The following MAPK8IP3 variants were observed in gnomAD, a reference collection of about 807,000 sequenced individuals.
MAPK8IP3 encodes mitogen-activated protein kinase 8 interacting protein 3, also known as C-Jun-amino-terminal kinase-interacting protein 3.
Under a neutral mutation model 157.8 loss-of-function variants are expected in MAPK8IP3, and 49 were observed. The observed-to-expected ratio is 0.31, with a 90% CI of 0.25 to 0.39. The LOEUF (loss-of-function observed/expected upper bound fraction) is 0.39, where lower values mean the gene tolerates loss of function less well. Ranked by LOEUF, MAPK8IP3 falls within the 10% of genes least tolerant of loss-of-function variation. The probability of loss-of-function intolerance (pLI) is 1.00; values close to 1 mark genes in which losing one functional copy is unlikely to be tolerated. For synonymous variants in MAPK8IP3, 897 were observed against 777.7 expected, an observed-to-expected ratio of 1.15 and a Z score of -2.55; for missense variants, 1,478 against 1,889.4, an observed-to-expected ratio of 0.78 and a Z score of 4.04.
intron 13 of MAPK8IP3, 107 bp downstream of exon 13, chr16:1,761,412 T>A: frequency 1.0e-6 from 1 of 989,018 alleles, no homozygotes; most frequent in East Asian, 2.5e-5. Flanking sequence ...CCATTCACCA[T>A]TCACAGGCAG....
intron 8 of MAPK8IP3, among the ~76,000 whole-genome samples, chr16:1,757,190 C>T (rs1184013650): frequency 6.6e-6 from 1 of 152,102 alleles, no homozygotes; most frequent in Non-Finnish European, 1.5e-5. Flanking sequence ...ACTGCAAGCT[C>T]TGCCTCCCGG....
chr16:1,712,223 G>A (rs2037836692), intron 1 of MAPK8IP3, among the ~76,000 whole-genome samples: 3 of 151,470 alleles, frequency 2.0e-5, no homozygotes, highest in African/African-American at 7.3e-5. Context: ...CAACACGCCC[G>A]GCTAATTTTT....
At chr16:1,737,433 T>C (rs866590606) in intron 4 of MAPK8IP3, among the ~76,000 whole-genome samples, 185 of 63,162 alleles carry the variant, frequency 2.9e-3, no homozygotes, top group Middle Eastern at 0.015. Flanking sequence ...TCCGTGTGAG[T>C]GTGTGAGCGT....
At chr16:1,715,050 G>A (rs938995226) in intron 1 of MAPK8IP3, among the ~76,000 whole-genome samples, 2 of 151,962 alleles carry the variant, frequency 1.3e-5, no homozygotes, top group African/African-American at 4.8e-5. Context: ...AAATGTATAT[G>A]TACTAGTAAG....
rs1296932310 is a variant in MAPK8IP3, at chr16:1,748,356, C to G, written c.1097+10C>G. On this transcript the variant is annotated intron_variant, in intron 7 of 31. Coordinates refer to ENST00000610761, the MANE Select transcript of MAPK8IP3 (RefSeq NM_001318852.2). ...ACCGCACAGGAAGCAGGTACTGGCT[C>G]AGCCCAGGCCCTGGGGTCCTGGGGG... The G allele has an allele frequency of 3.1e-6, 5 of 1,609,520 alleles. No homozygotes were observed. The highest frequency in any genetic ancestry group is 4.2e-6 in the Non-Finnish European group (5 of 1,176,654).
intron 1 of MAPK8IP3, among the ~76,000 whole-genome samples, chr16:1,717,265 A>C (rs2142299955): frequency 6.6e-6 from 1 of 151,966 alleles, no homozygotes; most frequent in South Asian, 2.1e-4. Context: ...GAAAGAAAGA[A>C]ATTCACCAAA....
intron 1 of MAPK8IP3, chr16:1,707,536 C>G (rs1373218674): frequency 1.3e-5 from 2 of 152,278 alleles, no homozygotes; most frequent in African/African-American, 4.8e-5. Flanking sequence ...TTACAAGAGC[C>G]GGGCCCTGTG....
intron 4 of MAPK8IP3, among the ~76,000 whole-genome samples, chr16:1,731,234 C>T (rs1201942237): frequency 1.3e-5 from 2 of 152,154 alleles, no homozygotes; most frequent in East Asian, 3.9e-4. Flanking sequence ...GAGGCTGAGG[C>T]AGGAGAATCA....
chr16:1,739,056 G>GTCCA, intron 4 of MAPK8IP3, among the ~76,000 whole-genome samples: 1 of 128,886 alleles, frequency 7.8e-6, no homozygotes, highest in Non-Finnish European at 1.6e-5. Context: ...CCGTGTGAGC[G>GTCCA]TGTGAGCGTC....
intron 19 of MAPK8IP3, 129 bp downstream of exon 19, chr16:1,764,588 T>G: frequency 7.8e-7 from 1 of 1,275,828 alleles, no homozygotes; most frequent in Non-Finnish European, 1.1e-6. Context: ...GCGCAGGGGC[T>G]CCTAGACTGC....
rs568642545 is a variant in MAPK8IP3 at position 1,765,165 on chromosome 16, C to T, written c.2433C>T (p.Ile811=). 1.3e-6 allele frequency: 2 copies of T among 1,595,382 alleles called. No individual in the cohort carries two copies. Among genetic ancestry groups the T allele is most frequent in the African/African-American group, 2.7e-5 (2 of 74,752 alleles). Residue 811 remains isoleucine, a synonymous_variant, in exon 20 of 32, where the codon ATC becomes ATT. Coordinates refer to ENST00000610761, the MANE Select transcript of MAPK8IP3 (RefSeq NM_001318852.2). ...TCTGCAACGCGCACGTGCTGTGCAT[C>T]TCCAGCATCCCCGGTGAGCAGCTGG... ...FTVCNAHVLC[I]SSIPAASDSD... is the part of the protein sequence containing the mutation.
At chr16:1,754,889 G>A (rs1000238193) in intron 8 of MAPK8IP3, among the ~76,000 whole-genome samples, 5 of 152,176 alleles carry the variant, frequency 3.3e-5, no homozygotes, top group African/African-American at 9.7e-5. Context: ...CCACGTGCCC[G>A]GACCTGAAGA....
chr16:1,758,073 A>G (rs2084187743), intron 8 of MAPK8IP3, 75 bp from the exon 9 acceptor site: 2 of 1,445,034 alleles, frequency 1.4e-6, no homozygotes, highest in Non-Finnish European at 1.9e-6. Context: ...ATAAGAATGT[A>G]TTGTTAGTTC....
Position 1,762,531 on chromosome 16 carries a change from C to A in MAPK8IP3, c.1670+50C>A, listed in dbSNP as rs1222090776. Reference sequence around the variant, plus strand: ...GGGGCTGCGGGATCATCCCTGACGGCAGGACTGCGGCTCCCTCCTCTGCAC... The same window carrying A: ...GGGGCTGCGGGATCATCCCTGACGGAAGGACTGCGGCTCCCTCCTCTGCAC... On this transcript the variant is annotated intron_variant, in intron 14 of 31. Transcript: ENST00000610761. The A allele has an allele frequency of 5.6e-6, 9 of 1,604,496 alleles. No homozygotes were observed. The Admixed American group carries it at 1.5e-4, about 27-fold the overall frequency.
At chr16:1,746,887 G>T in intron 5 of MAPK8IP3, 142 bp from the exon 6 acceptor site, 1 of 1,037,156 alleles carries the variant, frequency 9.6e-7, no homozygotes, top group Non-Finnish European at 1.4e-6. Flanking sequence ...CCCGGTGGGC[G>T]GCAGAGGAGC....
intron 4 of MAPK8IP3, among the ~76,000 whole-genome samples, chr16:1,736,748 A>G (rs1224490356): frequency 1.6e-4 from 6 of 37,820 alleles, no homozygotes; most frequent in Non-Finnish European, 2.2e-4. Context: ...GTGACCATCC[A>G]TGTGAGCATC....
Position 1,761,812 on chromosome 16 carries a change from G to A in MAPK8IP3, c.1539+507G>A, listed in dbSNP as rs529694874. 2.2e-4 allele frequency among the ~76,000 whole-genome samples: 33 copies of A among 152,310 alleles called. No homozygotes were observed. In the South Asian group the frequency reaches 6.2e-3, roughly 29 times the overall value. ...ATTCCCACACATTCACACGCTGGGC[G>A]GCCACCATTCACCATTCACCATTCA... On this transcript the variant is annotated intron_variant, in intron 13 of 31. Transcript: ENST00000610761.
At position 1,751,017 on chromosome 16, in the gene MAPK8IP3, C is replaced by T. The variant is rs1033478530; in HGVS notation, c.1216+2297C>T. On this transcript the variant is annotated intron_variant, in intron 8 of 31. Coordinates refer to ENST00000610761, the MANE Select transcript of MAPK8IP3 (RefSeq NM_001318852.2). The surrounding 1 kb of genome is among the most constrained non-coding windows in gnomAD (Gnocchi z 5.0). ...CCCACAGAGGTATGACACATGTGTACGCAGAACACACAGTGTCAGGTCGCA... is the reference window on the plus strand; with the variant it reads ...CCCACAGAGGTATGACACATGTGTATGCAGAACACACAGTGTCAGGTCGCA... 5.3e-5 allele frequency among the ~76,000 whole-genome samples: 8 copies of T among 152,176 alleles called. 1 individual carries two copies. The highest frequency in any genetic ancestry group is 2.6e-4 in the Admixed American group (4 of 15,272).
chr16:1,759,916 T>C (rs1567198077), intron 10 of MAPK8IP3, 42 bp from the exon 11 acceptor site: 2 of 1,589,516 alleles, frequency 1.3e-6, no homozygotes, highest in Non-Finnish European at 8.6e-7. Flanking sequence ...CAGTGACCTG[T>C]TTTGAAGGGC....
Sources: allele counts gnomAD v4.1 joint callset (sites outside exome capture counted in the v4.1 genomes callset), GRCh38; gene constraint gnomAD v4.1.1; non-coding constraint Gnocchi (gnomAD v3.1); transcripts MANE v1.5; gene names NCBI Gene and HGNC (gene_info 2026-07-23, HGNC 2026-07-21).